CA10: variants seen among roughly 807,000 people sequenced by gnomAD.
CA10 encodes the protein carbonic anhydrase-related protein 10.
A neutral mutation model predicts 44.2 loss-of-function variants in CA10; 14 were observed. The ratio of observed to expected loss-of-function variants is 0.32; its 90% CI spans 0.21 to 0.50. The LOEUF is 0.50. Among genes scored for constraint, CA10 ranks in the 20% least tolerant of loss-of-function variants. The pLI, the probability that CA10 is intolerant of heterozygous loss-of-function variation, is 0.99. For synonymous variants in CA10, 159 were observed against 141.6 expected, an observed-to-expected ratio of 1.12 and a Z score of -0.87; for missense variants, 350 against 409.7, an observed-to-expected ratio of 0.85 and a Z score of 1.26.
At chr17:52,125,522 C>A (rs1199454960) in intron 1 of CA10, among the ~76,000 whole-genome samples, 5 of 152,170 alleles carry the variant, frequency 3.3e-5, no homozygotes, top group Non-Finnish European at 7.3e-5. Context: ...TGGGGCGGAT[C>A]TCTAGAGGTG....
intron 4 of CA10, among the ~76,000 whole-genome samples, chr17:51,741,892 T>C (rs1016026001): frequency 1.3e-5 from 2 of 152,206 alleles, no homozygotes; most frequent in Non-Finnish European, 2.9e-5. Context: ...AAACCCACAG[T>C]GATGGGCAAC....
chr17:51,669,962 C>T (rs1370807080), intron 4 of CA10, among the ~76,000 whole-genome samples: 1 of 152,174 alleles, frequency 6.6e-6, no homozygotes, highest in Non-Finnish European at 1.5e-5. Context: ...AGGGTGGTTT[C>T]CCCCATACTG....
chr17:51,825,810 G>A (rs985076808), intron 3 of CA10, among the ~76,000 whole-genome samples: 7 of 152,106 alleles, frequency 4.6e-5, no homozygotes, highest in Non-Finnish European at 7.3e-5. Flanking sequence ...AAAATGATTC[G>A]AACGTTGCAC....
At chr17:51,707,462 A>T (rs998010808) in intron 4 of CA10, among the ~76,000 whole-genome samples, 1 of 152,252 alleles carries the variant, frequency 6.6e-6, no homozygotes, top group Middle Eastern at 3.4e-3. Flanking sequence ...ATTAGCTCTC[A>T]CAGGTTGCCA....
chr17:51,973,939 A>C (rs912395056), intron 2 of CA10, among the ~76,000 whole-genome samples: 4 of 152,184 alleles, frequency 2.6e-5, no homozygotes, highest in Non-Finnish European at 5.9e-5. Context: ...TAAAGATTAT[A>C]AAAGTAGCTA....
At chr17:52,113,942 T>C (rs1358631753) in intron 1 of CA10, among the ~76,000 whole-genome samples, 2 of 152,278 alleles carry the variant, frequency 1.3e-5, no homozygotes, top group East Asian at 1.9e-4. Context: ...GGTGAAGTCT[T>C]AGAAGAAGGC....
chr17:51,867,837 G>A (rs1313211402), intron 3 of CA10, among the ~76,000 whole-genome samples: 1 of 152,098 alleles, frequency 6.6e-6, no homozygotes, highest in African/African-American at 2.4e-5. Context: ...TAAGTATCAG[G>A]AAAAATCTTC....
intron 2 of CA10, among the ~76,000 whole-genome samples, chr17:52,004,394 A>T (rs904016172): frequency 6.6e-6 from 1 of 151,952 alleles, no homozygotes; most frequent in Non-Finnish European, 1.5e-5. Context: ...GAATCAGAAC[A>T]ACAAAATTAC....
At chr17:52,143,808 G>GA (rs1042031578) in intron 1 of CA10, among the ~76,000 whole-genome samples, 2 of 152,038 alleles carry the variant, frequency 1.3e-5, no homozygotes, top group Non-Finnish European at 2.9e-5. Context: ...GAGCTTGGAG[G>GA]AAAAAAATCC....
At chr17:52,065,365 C>A (rs1987505702) in intron 2 of CA10, among the ~76,000 whole-genome samples, 1 of 152,162 alleles carries the variant, frequency 6.6e-6, no homozygotes, top group Non-Finnish European at 1.5e-5. Flanking sequence ...GAGGAACAGC[C>A]TTTCACTCTG....
chr17:51,987,825 G>A (rs1173208703), intron 2 of CA10, among the ~76,000 whole-genome samples: 1 of 151,640 alleles, frequency 6.6e-6, no homozygotes, highest in East Asian at 1.9e-4. Flanking sequence ...AAAATTTGAG[G>A]GAATTTGTCA....
Position 52,059,269 on chromosome 17 carries a change from C to T in CA10, c.136+13050G>A, listed in dbSNP as rs559167525. Among the ~76,000 whole-genome samples the T allele has an allele frequency of 2.4e-4, 37 of 152,168 alleles. No homozygotes were observed. The South Asian group carries it at 7.5e-3, about 31-fold the overall frequency. ...ACTTCCAAACCAATCTTAGCAAGCTCACAAAAAAATATCAGAGCTGGAATG... is the reference window on the plus strand; with the variant it reads ...ACTTCCAAACCAATCTTAGCAAGCTTACAAAAAAATATCAGAGCTGGAATG... On this transcript the variant is annotated intron_variant, in intron 2 of 8. Coordinates refer to ENST00000451037, the MANE Select transcript of CA10 (RefSeq NM_020178.5).
intron 1 of CA10, among the ~76,000 whole-genome samples, chr17:52,102,976 T>C (rs977262382): frequency 6.6e-6 from 1 of 152,120 alleles, no homozygotes; most frequent in African/African-American, 2.4e-5. Flanking sequence ...TTTCATGTAT[T>C]AGATTTTTTT....
chr17:51,867,228 G>GC (rs1179750698), intron 3 of CA10, among the ~76,000 whole-genome samples: 1 of 152,160 alleles, frequency 6.6e-6, no homozygotes, highest in Non-Finnish European at 1.5e-5. Flanking sequence ...TAAGTAAGAT[G>GC]CTTTCTGCTC....
intron 8 of CA10, among the ~76,000 whole-genome samples, chr17:51,633,153 GAT>G (rs959270263): frequency 3.3e-5 from 5 of 152,056 alleles, no homozygotes; most frequent in Non-Finnish European, 7.4e-5. Context: ...TTAAAGGTTT[GAT>G]ATATGTGTTT....
intron 3 of CA10, among the ~76,000 whole-genome samples, chr17:51,920,892 C>T (rs1436573218): frequency 6.6e-6 from 1 of 152,224 alleles, no homozygotes; most frequent in Admixed American, 6.5e-5. Flanking sequence ...ACCTTGATCT[C>T]ATTTTAAAAT....
chr17:51,721,278 A>G (rs763689627), intron 4 of CA10, among the ~76,000 whole-genome samples: 1 of 152,116 alleles, frequency 6.6e-6, no homozygotes, highest in African/African-American at 2.4e-5. Context: ...GTTGCGGTGA[A>G]CTGAGATCAT....
chr17:52,096,294 T>C (rs896025917), intron 1 of CA10, among the ~76,000 whole-genome samples: 2 of 152,174 alleles, frequency 1.3e-5, no homozygotes, highest in African/African-American at 4.8e-5. Context: ...TTCTCACTAA[T>C]GAACACACAC....
chr17:51,878,624 A>T (rs1051124354), intron 3 of CA10, among the ~76,000 whole-genome samples: 2 of 151,684 alleles, frequency 1.3e-5, no homozygotes, highest in African/African-American at 4.8e-5. Flanking sequence ...CCACCTATAA[A>T]AATCTTTGAT....
Sources: allele counts gnomAD v4.1 joint callset (sites outside exome capture counted in the v4.1 genomes callset), GRCh38; gene constraint gnomAD v4.1.1; transcripts MANE v1.5; gene names NCBI Gene and HGNC (gene_info 2026-07-23, HGNC 2026-07-21).